The following ITGB1 variants were observed in gnomAD, a reference collection of about 807,000 sequenced individuals.
ITGB1 encodes the protein integrin subunit beta 1.
Under a neutral mutation model 86.5 loss-of-function variants are expected in ITGB1, and 24 were observed. The ratio of observed to expected loss-of-function variants is 0.28; its 90% CI spans 0.20 to 0.39. The LOEUF is 0.39. Ranked by LOEUF, ITGB1 falls within the 10% of genes least tolerant of loss-of-function variation. The pLI, the probability that ITGB1 is intolerant of heterozygous loss-of-function variation, is 1.00. For synonymous variants in ITGB1, 323 were observed against 316.8 expected (o/e 1.02, Z -0.21); for missense variants, 556 against 946.9 (o/e 0.59, Z 5.42).
chr10:32,936,533 CA>C (rs1261008978), intron 1 of ITGB1, among the ~76,000 whole-genome samples: 1 of 150,132 alleles, frequency 6.7e-6, no homozygotes, highest in Non-Finnish European at 1.5e-5. Flanking sequence ...TCTCCCCCAA[CA>C]AAAAAAAAGA....
chr10:32,902,899 A>G (rs1311379133), intron 15 of ITGB1, among the ~76,000 whole-genome samples: 1 of 152,192 alleles, frequency 6.6e-6, no homozygotes, highest in Non-Finnish European at 1.5e-5. Flanking sequence ...TGGGAATAGT[A>G]TAAGAAAAAA....
chr10:32,942,390 GC>G (rs2095020503), intron 1 of ITGB1, among the ~76,000 whole-genome samples: 1 of 152,172 alleles, frequency 6.6e-6, no homozygotes, highest in Non-Finnish European at 1.5e-5. Flanking sequence ...AATGGTGAGA[GC>G]CCACCAGGTA....
Position 32,923,685 on chromosome 10 carries a change from C to G in ITGB1, c.842G>C (p.Gly281Ala). The G allele has an allele frequency of 6.2e-7, 1 of 1,613,674 alleles. No homozygotes were observed. The highest frequency in any genetic ancestry group is 8.5e-7 in the Non-Finnish European group (1 of 1,179,764). ...TTTCCCATCTCCAGCAAAGTGAAAC[C>G]CGGCATCTGTGGAAAACACCAGCAG... ...TRLLVFSTDAGFHFAGDGKLG... is the reference protein window; with the variant it reads ...TRLLVFSTDAAFHFAGDGKLG... The change falls in exon 7 of 16, where the codon GGG becomes GCG. Residue 281 changes from glycine to alanine, a missense_variant. Around this residue, in one of 4 missense-constraint regions of ITGB1, gnomAD observed 25 missense variants for 76.3 expected, o/e 0.33. Transcript: ENST00000302278.
At chr10:32,914,566 G>T in intron 11 of ITGB1, among the ~76,000 whole-genome samples, 2 of 152,206 alleles carry the variant, frequency 1.3e-5, no homozygotes, top group East Asian at 3.9e-4. Context: ...AAGGGACAAA[G>T]AACGCCATTA....
chr10:32,927,029 C>CA (rs1337851860), intron 5 of ITGB1, among the ~76,000 whole-genome samples: 2 of 152,146 alleles, frequency 1.3e-5, no homozygotes, highest in Admixed American at 1.3e-4. Flanking sequence ...AAAAATAACT[C>CA]ACATTCATTT....
At chr10:32,911,336 TTTTA>T in intron 13 of ITGB1, 108 bp downstream of exon 13, 1 of 889,582 alleles carries the variant, frequency 1.1e-6, no homozygotes, top group East Asian at 2.6e-5. Context: ...ATGGCAGGCA[TTTTA>T]TTTACAGTAT....
At chr10:32,940,826 A>C (rs533664428) in intron 1 of ITGB1, among the ~76,000 whole-genome samples, 2 of 152,344 alleles carry the variant, frequency 1.3e-5, no homozygotes, top group South Asian at 4.1e-4. Context: ...GCAACATGTA[A>C]GACTATTCAC....
chr10:32,945,485 G>A (rs1284886498), intron 1 of ITGB1, among the ~76,000 whole-genome samples: 1 of 152,026 alleles, frequency 6.6e-6, no homozygotes, highest in Non-Finnish European at 1.5e-5. Flanking sequence ...TGTAGTCCCA[G>A]CTACTCGGGA....
intron 11 of ITGB1, among the ~76,000 whole-genome samples, chr10:32,915,256 C>T (rs1252737346): frequency 2.0e-5 from 3 of 152,096 alleles, no homozygotes; most frequent in African/African-American, 4.8e-5. Flanking sequence ...ATTAAAAGAA[C>T]TAGAGAAGCA....
chr10:32,920,430 C>T, intron 9 of ITGB1, 45 bp from the exon 10 acceptor site: 1 of 1,571,704 alleles, frequency 6.4e-7, no homozygotes. Context: ...AAACAAAATG[C>T]TACTTGAATG....
intron 1 of ITGB1, among the ~76,000 whole-genome samples, chr10:32,938,560 A>G (rs899603279): frequency 4.6e-5 from 7 of 152,344 alleles, no homozygotes; most frequent in Non-Finnish European, 1.0e-4. Flanking sequence ...AAACCTTGAC[A>G]AGGCAAAAAG....
intron 1 of ITGB1, among the ~76,000 whole-genome samples, chr10:32,948,218 A>G (rs1489094150): frequency 1.3e-5 from 2 of 152,238 alleles, no homozygotes; most frequent in African/African-American, 4.8e-5. Context: ...ACATCCAAGT[A>G]GAATTCTATT....
intron 15 of ITGB1, chr10:32,907,222 C>CTAT (rs998070458): frequency 4.6e-6 from 2 of 437,732 alleles, no homozygotes; most frequent in Non-Finnish European, 8.1e-6. Context: ...CTATAAATGT[C>CTAT]TTTTTTTTTA....
chr10:32,935,098 G>A (rs996767972), intron 2 of ITGB1, among the ~76,000 whole-genome samples: 1 of 152,212 alleles, frequency 6.6e-6, no homozygotes, highest in Non-Finnish European at 1.5e-5. Flanking sequence ...ATCAAAGAGT[G>A]AGAATGTCTT....
At chr10:32,930,406 A>G (rs1295014830) in intron 3 of ITGB1, among the ~76,000 whole-genome samples, 1 of 152,192 alleles carries the variant, frequency 6.6e-6, no homozygotes, top group Non-Finnish European at 1.5e-5. Flanking sequence ...TCATTTCTCC[A>G]AAATTTCCCT....
chr10:32,947,333 G>A (rs113225662), intron 1 of ITGB1, among the ~76,000 whole-genome samples: 1 of 151,664 alleles, frequency 6.6e-6, no homozygotes, highest in African/African-American at 2.4e-5. Flanking sequence ...GCTAGACCAA[G>A]GTGTGAGAAG....
chr10:32,912,236 G>A, intron 11 of ITGB1, 112 bp from the exon 12 acceptor site: 2 of 803,242 alleles, frequency 2.5e-6, no homozygotes, highest in Non-Finnish European at 2.0e-6. Context: ...GAGCGACACA[G>A]AAGACAGGTG....
At chr10:32,950,704 G>A (rs2095040932) in intron 1 of ITGB1, among the ~76,000 whole-genome samples, 1 of 152,072 alleles carries the variant, frequency 6.6e-6, no homozygotes, top group African/African-American at 2.4e-5. Flanking sequence ...CTCCCACCCA[G>A]AAGAAAAATG....
chr10:32,943,308 A>G (rs2095023346), intron 1 of ITGB1, among the ~76,000 whole-genome samples: 1 of 152,242 alleles, frequency 6.6e-6, no homozygotes, highest in African/African-American at 2.4e-5. Flanking sequence ...TTACTGGGTT[A>G]TAAGATGGTC....
Sources: gnomAD v4.1 joint callset for allele counts (sites outside exome capture counted in the v4.1 genomes callset) on GRCh38, gnomAD v4.1.1 for gene constraint, gnomAD v4.1.1 regional missense constraint, MANE v1.5 for transcripts, NCBI Gene and HGNC (gene_info 2026-07-23, HGNC 2026-07-21) for gene names.